The following LYSMD4 variants were observed in gnomAD, a reference collection of about 807,000 sequenced individuals.
LYSMD4 encodes LysM domain containing 4, also known as lysM and putative peptidoglycan-binding domain-containing protein 4.
In LYSMD4, 9 loss-of-function variants were observed where a neutral mutation model predicts 6.1. The observed-to-expected ratio is 1.47, with a 90% CI of 0.88 to 2.56. The LOEUF (loss-of-function observed/expected upper bound fraction) is 2.56. Among genes scored for constraint, LYSMD4 ranks in the 30% most tolerant of loss-of-function variants. The probability of loss-of-function intolerance (pLI) is 0.00; values close to 1 mark genes in which losing one functional copy is unlikely to be tolerated. For synonymous variants in LYSMD4, 143 were observed against 148.5 expected (o/e 0.96, Z 0.27); for missense variants, 384 against 373.5 (o/e 1.03, Z -0.23).
At chr15:99,722,401 TCATTCCAAGTAAC>T (rs901379004), downstream of LYSMD4, among the ~76,000 whole-genome samples, 3 of 152,142 alleles carry the variant, frequency 2.0e-5, no homozygotes, top group African/African-American at 7.2e-5. Flanking sequence ...AGGACTGAAC[TCATTCCAAGTAAC>T]CATGCCCCAG....
intron 1 of LYSMD4, among the ~76,000 whole-genome samples, chr15:99,732,672 C>A (rs910565798): frequency 5.9e-5 from 9 of 152,380 alleles, no homozygotes; most frequent in African/African-American, 1.7e-4. Flanking sequence ...AGCCGCAAGA[C>A]CCCTGTTCCT....
intron 1 of LYSMD4, among the ~76,000 whole-genome samples, chr15:99,732,260 A>G (rs937712279): frequency 1.3e-5 from 2 of 152,066 alleles, no homozygotes; most frequent in African/African-American, 4.8e-5. Flanking sequence ...CCTGTTCCTC[A>G]TCCATAGCTG....
At chr15:99,717,391 T>G (rs67211644) in exon 1 of LYSMD4, 7,806 of 152,386 alleles carry the variant, frequency 0.051, 224 homozygotes, top group East Asian at 0.15. Context: ...GCCAGCTGAT[T>G]GGCTGCAGCC....
chr15:99,733,287 C>T (rs2059469065), intron 1 of LYSMD4, 58 bp downstream of exon 1: 1 of 388,252 alleles, frequency 2.6e-6, no homozygotes, highest in Non-Finnish European at 4.6e-6. Context: ...CGCCGTACCG[C>T]CATGAGCCCG....
chr15:99,726,751 T>C (rs1489691670), downstream of LYSMD4, among the ~76,000 whole-genome samples: 1 of 152,206 alleles, frequency 6.6e-6, no homozygotes, highest in East Asian at 1.9e-4. Context: ...GACTGGAGAC[T>C]AGATAGCAAA....
chr15:99,729,803 C>T, intron 2 of LYSMD4, 72 bp from the exon 3 acceptor site: 1 of 1,492,452 alleles, frequency 6.7e-7, no homozygotes, highest in South Asian at 1.4e-5. Context: ...AAAAGTGGCT[C>T]TTAATCTTTC....
chr15:99,729,049 G>A lies in LYSMD4; in HGVS notation c.*74C>T. On this transcript the variant is annotated 3_prime_UTR_variant, in exon 3 of 3. Coordinates refer to ENST00000684762, the MANE Select transcript of LYSMD4 (RefSeq NM_001284417.2). ...CCGGAAGCAAAATGCAGCACCCCTA[G>A]GACATCGCCAGTGACAGCTGAGGCA... 1 of 1,575,478 alleles carries A rather than the reference G, an allele frequency of 6.3e-7. No homozygotes were observed. The highest frequency in any genetic ancestry group is 1.3e-5 in the African/African-American group (1 of 74,326).
rs150846861 is a variant in LYSMD4 at position 99,729,684 on chromosome 15, T to C, written c.330A>G (p.Leu110=). The C allele has an allele frequency of 5.8e-5, 93 of 1,613,540 alleles. No individual in the cohort carries two copies. Among genetic ancestry groups the C allele is most frequent in the Non-Finnish European group, 6.9e-5 (82 of 1,179,950 alleles). The change falls in exon 3 of 3, where the codon TTA becomes TTG. Residue 110 remains leucine, a synonymous_variant. Coordinates refer to ENST00000684762, the MANE Select transcript of LYSMD4 (RefSeq NM_001284417.2). ...KVNNFIREQD[L]YALKSVKIPV... ...GAATCTTAACAGATTTCAAAGCATATAAGTCTTGTTCTCTGATGAAGTTGT... is the reference window on the plus strand; with the variant it reads ...GAATCTTAACAGATTTCAAAGCATACAAGTCTTGTTCTCTGATGAAGTTGT...
downstream of LYSMD4, among the ~76,000 whole-genome samples, chr15:99,722,570 G>C (rs1220129926): frequency 1.3e-5 from 2 of 152,210 alleles, no homozygotes; most frequent in African/African-American, 2.4e-5. Flanking sequence ...GATGGAGGGA[G>C]AGATCAACAA....
chr15:99,729,652 C>T lies in LYSMD4; in HGVS notation c.362G>A (p.Arg121Lys). 1 of 1,614,048 alleles carries T rather than the reference C, an allele frequency of 6.2e-7. No homozygotes were observed. Among genetic ancestry groups the T allele is most frequent in the Non-Finnish European group, 8.5e-7 (1 of 1,179,964 alleles). ...GGTCTCCATCAGGATCCCATGGTTT[C>T]TCACTGGAATCTTAACAGATTTCAA... is the stretch of plus-strand genomic sequence containing the variant. Reference protein sequence around the residue: ...YALKSVKIPVRNHGILMETHK... With the variant: ...YALKSVKIPVKNHGILMETHK... The change falls in exon 3 of 3, where the codon AGA becomes AAA. Residue 121 changes from arginine to lysine, a missense_variant. Physicochemically the swap from Arg to Lys is conservative, Grantham distance 26. Coordinates refer to ENST00000684762, the MANE Select transcript of LYSMD4 (RefSeq NM_001284417.2).
At chr15:99,733,290 T>C (rs1473737783) in intron 1 of LYSMD4, 55 bp downstream of exon 1, 13 of 388,008 alleles carry the variant, frequency 3.4e-5, no homozygotes, top group Admixed American at 2.2e-4. Context: ...CGTACCGCCA[T>C]GAGCCCGCGC....
chr15:99,718,309 G>T (rs942876205), upstream of LYSMD4, among the ~76,000 whole-genome samples: 1 of 152,216 alleles, frequency 6.6e-6, no homozygotes, highest in Middle Eastern at 3.2e-3. Flanking sequence ...GTCCATGTTG[G>T]TGTCTTATTC....
downstream of LYSMD4, among the ~76,000 whole-genome samples, chr15:99,724,580 T>C (rs2059262802): frequency 6.6e-6 from 1 of 152,196 alleles, no homozygotes; most frequent in Non-Finnish European, 1.5e-5. Context: ...ATAGGTCATA[T>C]CCCATTAGGT....
At chr15:99,731,653 C>T in intron 2 of LYSMD4, 65 bp downstream of exon 2, 1 of 1,527,082 alleles carries the variant, frequency 6.5e-7, no homozygotes, top group Admixed American at 2.1e-5. Flanking sequence ...AGGGCACCCA[C>T]CCTGCAGTGA....
chr15:99,726,642 C>T (rs558320590), downstream of LYSMD4, among the ~76,000 whole-genome samples: 1 of 152,200 alleles, frequency 6.6e-6, no homozygotes, highest in African/African-American at 2.4e-5. Flanking sequence ...CTGCCTAGTC[C>T]CTGCAGCTTT....
At chr15:99,730,207 C>T (rs1014971201) in intron 2 of LYSMD4, among the ~76,000 whole-genome samples, 1 of 152,222 alleles carries the variant, frequency 6.6e-6, no homozygotes, top group Non-Finnish European at 1.5e-5. Flanking sequence ...GCCAGCTCTG[C>T]AGACACACTC....
At position 99,729,225 on chromosome 15, in the gene LYSMD4, T is replaced by G. The variant is rs2059340532; in HGVS notation, c.789A>C (p.Ala263=). The G allele has an allele frequency of 6.2e-7, 1 of 1,614,090 alleles. No homozygotes were observed. The highest frequency in any genetic ancestry group is 8.5e-7 in the Non-Finnish European group (1 of 1,180,032). ...GGGCTTGCCCTGGAACTGTACCCAT[T>G]GCCATCGAGCCATTGGGGATGACAG... ...NTTVIPNGSM[A]MGTVPGQAPR... is the part of the protein sequence containing the mutation. The change falls in exon 3 of 3, where the codon GCA becomes GCC. Residue 263 remains alanine (A), a synonymous_variant. Transcript: ENST00000684762.
At chr15:99,720,505 A>G (rs1004700367), upstream of LYSMD4, among the ~76,000 whole-genome samples, 11 of 152,160 alleles carry the variant, frequency 7.2e-5, no homozygotes, top group Non-Finnish European at 1.0e-4. Flanking sequence ...TCCCAGTACC[A>G]TTTATTAGAA....
chr15:99,724,871 G>T (rs1409439723), downstream of LYSMD4, among the ~76,000 whole-genome samples: 1 of 152,230 alleles, frequency 6.6e-6, no homozygotes, highest in Non-Finnish European at 1.5e-5. Context: ...ACAGGTTGGA[G>T]CTGCACTTCA....
Sources: gnomAD v4.1 joint callset for allele counts (sites outside exome capture counted in the v4.1 genomes callset) on GRCh38, gnomAD v4.1.1 for gene constraint, MANE v1.5 for transcripts, NCBI Gene and HGNC (gene_info 2026-07-23, HGNC 2026-07-21) for gene names.